Variants in BAHCC1 observed in about 807,000 individuals in gnomAD.
BAHCC1 encodes the protein BAH domain and coiled-coil containing 1, also known as BAH and coiled-coil domain-containing protein 1.
A neutral mutation model predicts 88.2 loss-of-function variants in BAHCC1; 43 were observed. The ratio of observed to expected loss-of-function variants is 0.49; its 90% CI spans 0.38 to 0.63. BAHCC1 has a LOEUF of 0.63. Ranked by LOEUF, BAHCC1 falls within the 20% of genes least tolerant of loss-of-function variation. The pLI is 0.00. For synonymous variants in BAHCC1, 1,510 were observed against 745.5 expected (o/e 2.03, Z -16.71); for missense variants, 3,023 against 1,654.8 (o/e 1.83, Z -14.34).
Position 81,411,987 on chromosome 17 carries a change from C to T in BAHCC1, c.178+12070C>T, listed in dbSNP as rs2063960852. 6.6e-6 allele frequency among the ~76,000 whole-genome samples: 1 copy of T among 152,374 alleles called. No individual in the cohort carries two copies. The highest frequency in any genetic ancestry group is 1.5e-5 in the Non-Finnish European group (1 of 68,034). ...AGGCGCACAGGGACTCAAGTGTGGC[C>T]ACGATTAGGGCAGGACCAGGGCCCC... is the stretch of plus-strand genomic sequence containing the variant. On this transcript the variant is annotated intron_variant, in intron 2 of 27. Coordinates refer to ENST00000675386, the MANE Select transcript of BAHCC1 (RefSeq NM_001377448.1). This position sits in a 1 kb window ranked among gnomAD's most constrained non-coding sequence, Gnocchi z 6.2.
intron 15 of BAHCC1, among the ~76,000 whole-genome samples, chr17:81,455,819 G>A (rs547682027): frequency 7.2e-4 from 110 of 152,222 alleles, no homozygotes; most frequent in Non-Finnish European, 1.4e-3. Flanking sequence ...TTTCTTCTTG[G>A]CGTGGTGGGG....
chr17:81,411,143 G>C lies in BAHCC1; in HGVS notation c.178+11226G>C. 1 of 519,202 alleles carries C rather than the reference G, an allele frequency of 1.9e-6. No individual in the cohort carries two copies. The highest frequency in any genetic ancestry group is 3.8e-6 in the Non-Finnish European group (1 of 259,796). 32.2% of individuals were successfully genotyped at this position (519,202 alleles called of 1,614,324 possible). A position where few individuals can be genotyped will look rare whatever the true frequency, so the allele number is the denominator to read the frequency against. ...TCCTCTGCGTGAGTCCATTCATCACGTGCCTGCAGGTGCCTGTGTCCTGTC... is the reference window on the plus strand; with the variant it reads ...TCCTCTGCGTGAGTCCATTCATCACCTGCCTGCAGGTGCCTGTGTCCTGTC... On this transcript the variant is annotated intron_variant, in intron 2 of 27. Coordinates refer to ENST00000675386, the MANE Select transcript of BAHCC1 (RefSeq NM_001377448.1). This position sits in a 1 kb window ranked among gnomAD's most constrained non-coding sequence, Gnocchi z 6.2.
chr17:81,416,605 T>C (rs899561851), intron 2 of BAHCC1, among the ~76,000 whole-genome samples: 13 of 144,938 alleles, frequency 9.0e-5, no homozygotes, highest in African/African-American at 3.3e-4. Context: ...TGTATGCGCG[T>C]ATGTACGTGT....
chr17:81,452,520 G>A (rs2064659754), intron 13 of BAHCC1, among the ~76,000 whole-genome samples: 1 of 151,864 alleles, frequency 6.6e-6, no homozygotes, highest in African/African-American at 2.4e-5. Flanking sequence ...CCTGACCAGT[G>A]TGTGTGGATG....
chr17:81,398,621 A>C (rs1400010256), intron 1 of BAHCC1, among the ~76,000 whole-genome samples: 9 of 151,908 alleles, frequency 5.9e-5, no homozygotes, highest in African/African-American at 1.9e-4. Flanking sequence ...CCCCACACAC[A>C]CCCCCAAGCC....
intron 2 of BAHCC1, among the ~76,000 whole-genome samples, chr17:81,425,853 TTGG>T (rs1350792170): frequency 7.4e-5 from 9 of 122,032 alleles, no homozygotes; most frequent in South Asian, 2.9e-4. Context: ...GATGATGTGG[TTGG>T]TGGTGGTGGT....
intron 3 of BAHCC1, among the ~76,000 whole-genome samples, chr17:81,437,272 G>A (rs961125316): frequency 1.3e-5 from 2 of 152,250 alleles, no homozygotes; most frequent in South Asian, 2.1e-4. Context: ...CCAGCCGCTC[G>A]GCCCTCACGT....
chr17:81,462,526 G>A, intron 26 of BAHCC1: 1 of 573,042 alleles, frequency 1.7e-6, no homozygotes, highest in Non-Finnish European at 3.1e-6. Flanking sequence ...ATGATTCCAT[G>A]TGCGGGCTCC....
At chr17:81,400,155 G>A (rs1388158285) in intron 2 of BAHCC1, among the ~76,000 whole-genome samples, 1 of 151,894 alleles carries the variant, frequency 6.6e-6, no homozygotes, top group East Asian at 1.9e-4. Context: ...GGGCAGCCCC[G>A]GAGCCGGCTG....
rs1555651575 is a variant in BAHCC1, at chr17:81,435,401, C to A, written c.359-2969C>A. 8.6e-6 allele frequency: 4 copies of A among 466,512 alleles called. No homozygotes were observed. Among genetic ancestry groups the A allele is most frequent in the Admixed American group, 7.1e-5 (3 of 42,450 alleles). The allele number at this position is 466,512 out of a possible 1,614,324, so 28.9% of individuals were successfully genotyped here. A position where few individuals can be genotyped will look rare whatever the true frequency, so the allele number is the denominator to read the frequency against. On this transcript the variant is annotated intron_variant, in intron 3 of 27. Transcript: ENST00000675386. This position sits in a 1 kb window ranked among gnomAD's most constrained non-coding sequence, Gnocchi z 4.4. ...GCAGGATGTGGGGACCTCGGTGCGA[C>A]CCCCACTGCCCCCAGGGCTCTTCCC...
chr17:81,452,000 G>A lies in BAHCC1; in HGVS notation c.4209G>A (p.Arg1403=). 1.6e-6 allele frequency: 1 copy of A among 635,582 alleles called. No homozygotes were observed. The highest frequency in any genetic ancestry group is 2.8e-6 in the Non-Finnish European group (1 of 356,976). The allele number at this position is 635,582 out of a possible 1,614,324, so 39.4% of individuals were successfully genotyped here. Residue 1403 remains arginine, a synonymous_variant, in exon 13 of 28, where the codon CGG becomes CGA. Coordinates refer to ENST00000675386, the MANE Select transcript of BAHCC1 (RefSeq NM_001377448.1). ...GCCCCCTGAAGGCCGCCATCGACCGGCTGGACACGCAGGAGGTGGGGATGC... is the reference window on the plus strand; with the variant it reads ...GCCCCCTGAAGGCCGCCATCGACCGACTGGACACGCAGGAGGTGGGGATGC... ...PVCPLKAAID[R]LDTQEVGMRV...
At chr17:81,420,278 G>A (rs1409842076) in intron 2 of BAHCC1, among the ~76,000 whole-genome samples, 1 of 152,226 alleles carries the variant, frequency 6.6e-6, no homozygotes, top group Middle Eastern at 3.2e-3. Context: ...TGGCCACTTA[G>A]GGCCACCTCT....
intron 2 of BAHCC1, 121 bp from the exon 3 acceptor site, chr17:81,426,679 C>T: frequency 5.0e-6 from 2 of 398,280 alleles, no homozygotes; most frequent in Non-Finnish European, 8.8e-6. Context: ...AAGTCAAAGG[C>T]TCTGGGGGAG....
chr17:81,409,896 G>C lies in BAHCC1; in HGVS notation c.178+9979G>C, dbSNP rs77732105. Among the ~76,000 whole-genome samples the C allele has an allele frequency of 7.9e-4, 120 of 152,318 alleles. 4 individuals are homozygous for C. In the East Asian group the frequency reaches 0.021, roughly 27 times the overall value. ...TTCACATTGTGGGTTTTGCCTTCCA[G>C]TCTTCAGGCCCGGGAGAGCACCTGG... On this transcript the variant is annotated intron_variant, in intron 2 of 27. Coordinates refer to ENST00000675386, the MANE Select transcript of BAHCC1 (RefSeq NM_001377448.1).
chr17:81,439,679 A>G (rs2064384923), intron 4 of BAHCC1, among the ~76,000 whole-genome samples: 1 of 150,954 alleles, frequency 6.6e-6, no homozygotes, highest in South Asian at 2.1e-4. Context: ...GGAGCCCAGG[A>G]GCCCTGGCGT....
Position 81,443,429 on chromosome 17 carries a change from G to A in BAHCC1, c.2080G>A (p.Gly694Ser), listed in dbSNP as rs186944465. ...CAGCAGGGAGCACGACACCACGCAC[G>A]GCGACGGGGAGGTGCGGCAGCCCCC... The part of the protein sequence containing the change: ...ARSREHDTTH[G>S]DGEVRQPPVG... Residue 694 changes from glycine (G) to serine (S), a missense_variant, in exon 5 of 28, where the codon GGC becomes AGC. Transcript: ENST00000675386. 110 of 759,576 alleles carry A rather than the reference G, an allele frequency of 1.4e-4. 1 individual carries two copies. Among genetic ancestry groups the A allele is most frequent in the African/African-American group, 8.5e-4 (50 of 58,770 alleles). 47.1% of individuals were successfully genotyped at this position (759,576 alleles called of 1,614,324 possible). A position where few individuals can be genotyped will look rare whatever the true frequency, so the allele number is the denominator to read the frequency against.
intron 3 of BAHCC1, among the ~76,000 whole-genome samples, chr17:81,437,944 C>T (rs890886043): frequency 6.6e-6 from 1 of 152,188 alleles, no homozygotes; most frequent in African/African-American, 2.4e-5. Context: ...GTCCACTGGG[C>T]CCTGGGGCCT....
chr17:81,437,728 C>T (rs1435892017), intron 3 of BAHCC1, among the ~76,000 whole-genome samples: 2 of 152,118 alleles, frequency 1.3e-5, no homozygotes, highest in African/African-American at 4.8e-5. Flanking sequence ...TCTGGCATGA[C>T]TCGGAGTCAC....
At chr17:81,405,920 A>G (rs2063872635) in intron 2 of BAHCC1, among the ~76,000 whole-genome samples, 1 of 151,878 alleles carries the variant, frequency 6.6e-6, no homozygotes, top group Non-Finnish European at 1.5e-5. Context: ...CCTCTTTTGG[A>G]GTGGTCTTCT....
Sources: gnomAD v4.1 joint callset for allele counts (sites outside exome capture counted in the v4.1 genomes callset) on GRCh38, gnomAD v4.1.1 for gene constraint, Gnocchi (gnomAD v3.1) non-coding constraint, MANE v1.5 for transcripts, NCBI Gene and HGNC (gene_info 2026-07-23, HGNC 2026-07-21) for gene names.